COPG2: variants seen among roughly 807,000 people sequenced by gnomAD.
COPG2 encodes the protein coatomer subunit gamma-2.
Under a neutral mutation model 46.3 loss-of-function variants are expected in COPG2, and 37 were observed. That is an observed-to-expected ratio of 0.80 (90% CI 0.61 to 1.05). The LOEUF (loss-of-function observed/expected upper bound fraction) is 1.05. Among genes scored for constraint, COPG2 ranks in the 50% least tolerant of loss-of-function variants. COPG2 has a pLI of 0.00. For synonymous variants in COPG2, 159 were observed against 129.7 expected (o/e 1.23, Z -1.53); for missense variants, 427 against 387.8 (o/e 1.10, Z -0.85).
Position 130,508,629 on chromosome 7 carries a change from A to C in COPG2, c.2180T>G (p.Phe727Cys). The change falls in exon 21 of 24, where the codon TTT (phenylalanine) becomes TGT (cysteine). Residue 727 changes from phenylalanine (F) to cysteine (C), a missense_variant. By Grantham distance (205) the Phe-to-Cys change is radical. Coordinates refer to ENST00000425248, the MANE Select transcript of COPG2 (RefSeq NM_012133.6). ...VAGSFSCTMK[F>C]TVRDCDPNTG... Reference sequence around the variant, plus strand: ...GTTAGGGTCACAGTCCCGGACTGTAAACTTCATGGTGCAGCTAAAGGAGCC... The same window carrying C: ...GTTAGGGTCACAGTCCCGGACTGTACACTTCATGGTGCAGCTAAAGGAGCC... 1 of 773,316 alleles carries C rather than the reference A, an allele frequency of 1.3e-6. No homozygotes were observed. 47.9% of individuals were successfully genotyped at this position (773,316 alleles called of 1,614,324 possible).
intron 5 of COPG2, among the ~76,000 whole-genome samples, chr7:130,642,856 C>G (rs1449523291): frequency 6.6e-6 from 1 of 152,046 alleles, no homozygotes; most frequent in Non-Finnish European, 1.5e-5. Flanking sequence ...AACCACATCT[C>G]TACTAAAAAT....
intron 4 of COPG2, among the ~76,000 whole-genome samples, chr7:130,653,388 G>A (rs1419679793): frequency 6.6e-6 from 1 of 152,180 alleles, no homozygotes; most frequent in Non-Finnish European, 1.5e-5. Flanking sequence ...TGGGTAGCTG[G>A]AATTACAGGC....
chr7:130,610,703 A>G, intron 9 of COPG2: 1 of 621,754 alleles, frequency 1.6e-6, no homozygotes, highest in African/African-American at 1.8e-5. Flanking sequence ...TCTTATGATC[A>G]ATGCATATAT....
intron 4 of COPG2, among the ~76,000 whole-genome samples, chr7:130,661,009 A>G (rs1795967215): frequency 6.6e-6 from 1 of 152,210 alleles, no homozygotes; most frequent in Non-Finnish European, 1.5e-5. Flanking sequence ...CCTATCTCTA[A>G]GCCTTCAGTG....
At chr7:130,597,031 T>G (rs1554449786) in intron 9 of COPG2, among the ~76,000 whole-genome samples, 1 of 152,224 alleles carries the variant, frequency 6.6e-6, no homozygotes, top group Admixed American at 6.5e-5. Context: ...CGGCTCTTTA[T>G]CAGAACCTTG....
chr7:130,626,444 T>C (rs1368891634), intron 5 of COPG2, among the ~76,000 whole-genome samples: 4 of 150,316 alleles, frequency 2.7e-5, no homozygotes, highest in Non-Finnish European at 5.9e-5. Flanking sequence ...AGAGACAGGA[T>C]TTCACTTTGT....
chr7:130,625,432 T>C (rs782193726), intron 5 of COPG2, among the ~76,000 whole-genome samples: 1 of 152,132 alleles, frequency 6.6e-6, no homozygotes, highest in African/African-American at 2.4e-5. Context: ...CAGCACAATG[T>C]TGAATAGCAG....
chr7:130,513,290 T>TAAAAAAAAAA (rs1205677638), intron 20 of COPG2, among the ~76,000 whole-genome samples: 1 of 20,292 alleles, frequency 4.9e-5, no homozygotes, highest in Non-Finnish European at 1.2e-4. Flanking sequence ...TAATTCTGTC[T>TAAAAAAAAAA]AAAAAAAAAA....
At chr7:130,528,033 C>A (rs1799790161) in intron 20 of COPG2, among the ~76,000 whole-genome samples, 2 of 151,918 alleles carry the variant, frequency 1.3e-5, no homozygotes, top group East Asian at 3.9e-4. Context: ...ATGGAGACAG[C>A]GTGGAAGAAG....
chr7:130,633,430 C>T (rs932158920), intron 5 of COPG2, among the ~76,000 whole-genome samples: 7 of 152,164 alleles, frequency 4.6e-5, no homozygotes, highest in Admixed American at 2.0e-4. Flanking sequence ...TTTTAATGAT[C>T]GCCACTCTAA....
chr7:130,661,791 T>C (rs782468407), intron 4 of COPG2, among the ~76,000 whole-genome samples: 4 of 152,204 alleles, frequency 2.6e-5, no homozygotes, highest in Non-Finnish European at 4.4e-5. Flanking sequence ...GGATAATTCT[T>C]TTCTCAGGAA....
intron 20 of COPG2, among the ~76,000 whole-genome samples, chr7:130,523,119 C>CAAAAAAAA (rs1308994776): frequency 0.026 from 1,482 of 57,534 alleles, 187 homozygotes; most frequent in African/African-American, 0.11. Flanking sequence ...ACTCTTCTCT[C>CAAAAAAAA]AAAAAAAAAA....
chr7:130,650,017 C>T (rs1320734896), intron 5 of COPG2, among the ~76,000 whole-genome samples: 3 of 152,144 alleles, frequency 2.0e-5, no homozygotes, highest in African/African-American at 4.8e-5. Context: ...CAGTCCTTTC[C>T]GGAGGCTAGA....
intron 20 of COPG2, among the ~76,000 whole-genome samples, chr7:130,531,044 G>A (rs1226719186): frequency 1.3e-5 from 2 of 148,824 alleles, no homozygotes; most frequent in Non-Finnish European, 3.0e-5. Context: ...CTACGGATCC[G>A]GTGGGGAAGG....
chr7:130,659,868 C>T (rs951476873), intron 4 of COPG2, among the ~76,000 whole-genome samples: 1 of 151,870 alleles, frequency 6.6e-6, no homozygotes, highest in Non-Finnish European at 1.5e-5. Context: ...GCCAAGATCG[C>T]GCCACTGCAC....
At position 130,507,841 on chromosome 7, in the gene COPG2, G is replaced by C; in HGVS notation, c.2248-18C>G. On this transcript the variant is annotated intron_variant, in intron 21 of 23. Transcript: ENST00000425248. ...TCTTCCAGCTAGTGGGTAATAAGCA[G>C]TCAGTAAAGAAAAGTCCTTTCTGTT... 1 of 779,116 alleles carries C rather than the reference G, an allele frequency of 1.3e-6. No individual in the cohort carries two copies. Among genetic ancestry groups the C allele is most frequent in the Non-Finnish European group, 2.4e-6 (1 of 417,342 alleles). 48.3% of individuals were successfully genotyped at this position (779,116 alleles called of 1,614,324 possible).
At chr7:130,611,227 G>A (rs1794843270) in intron 8 of COPG2, 117 bp from the exon 9 acceptor site, 13 of 904,388 alleles carry the variant, frequency 1.4e-5, no homozygotes, top group Non-Finnish European at 1.8e-5. Context: ...CAGGTCACAT[G>A]TACACAAATA....
At chr7:130,653,750 G>C (rs1274872729) in intron 4 of COPG2, among the ~76,000 whole-genome samples, 1 of 152,086 alleles carries the variant, frequency 6.6e-6, no homozygotes, top group Non-Finnish European at 1.5e-5. Context: ...AAATACATCA[G>C]ACGCAGCTCC....
intron 8 of COPG2, among the ~76,000 whole-genome samples, chr7:130,611,352 G>A (rs1431356210): frequency 1.3e-5 from 2 of 152,176 alleles, no homozygotes; most frequent in African/African-American, 4.8e-5. Flanking sequence ...CATACAACCT[G>A]AAGATGGCTC....
Sources: allele counts gnomAD v4.1 joint callset (sites outside exome capture counted in the v4.1 genomes callset), GRCh38; gene constraint gnomAD v4.1.1; transcripts MANE v1.5; gene names NCBI Gene and HGNC (gene_info 2026-07-23, HGNC 2026-07-21).